The following NSD1 variants were observed in gnomAD, a reference collection of about 807,000 sequenced individuals.
NSD1 encodes nuclear receptor binding SET domain protein 1.
NSD1 carries 26 observed loss-of-function variants against 242.7 expected under a neutral mutation model. The ratio of observed to expected loss-of-function variants is 0.11; its 90% confidence interval spans 0.08 to 0.15. The LOEUF (loss-of-function observed/expected upper bound fraction) is 0.15. Ranked by LOEUF, NSD1 falls within the 10% of genes least tolerant of loss-of-function variation. The pLI is 1.00. For synonymous variants in NSD1, 1,106 were observed against 1,178.1 expected (o/e 0.94, Z 1.25); for missense variants, 2,495 against 3,272.8 (o/e 0.76, Z 5.80).
rs2127281411 is a variant in NSD1, at chr5:177,294,486, A to G, written c.7118A>G (p.Gln2373Arg). 1 of 1,614,210 alleles carries G rather than the reference A, an allele frequency of 6.2e-7. No individual in the cohort carries two copies. Among genetic ancestry groups the G allele is most frequent in the Non-Finnish European group, 8.5e-7 (1 of 1,180,036 alleles). ...ATAGGTGCTGCCAGCCCAAGGCCCCAGTCACTGGAGAAAACCTCAGTTCCC... is the reference window on the plus strand; with the variant it reads ...ATAGGTGCTGCCAGCCCAAGGCCCCGGTCACTGGAGAAAACCTCAGTTCCC... Reference protein sequence around the residue: ...KSIGAASPRPQSLEKTSVPTG... With the variant: ...KSIGAASPRPRSLEKTSVPTG... The change falls in exon 23 of 23, where the codon CAG (glutamine) becomes CGG (arginine). Residue 2373 changes from glutamine to arginine, a missense_variant. This residue lies in a region of NSD1 where 475 missense variants were observed against 563.7 expected (regional missense o/e 0.84). Transcript: ENST00000439151.
intron 9 of NSD1, among the ~76,000 whole-genome samples, chr5:177,246,027 G>T (rs1173440435): frequency 6.6e-6 from 1 of 150,834 alleles, no homozygotes; most frequent in Non-Finnish European, 1.5e-5. Flanking sequence ...CTGGAGTGCG[G>T]TGGCATGATC....
chr5:177,202,754 A>G (rs1004780788), intron 3 of NSD1, among the ~76,000 whole-genome samples: 4 of 151,968 alleles, frequency 2.6e-5, no homozygotes, highest in Admixed American at 2.6e-4. Context: ...AGGTACACAC[A>G]TGTGTATATT....
chr5:177,228,975 A>G (rs1764846137), intron 5 of NSD1, among the ~76,000 whole-genome samples: 1 of 152,138 alleles, frequency 6.6e-6, no homozygotes, highest in East Asian at 1.9e-4. Flanking sequence ...CCAATAGTTG[A>G]CTGTCTCTGT....
At chr5:177,268,080 C>A (rs1284013801) in intron 15 of NSD1, among the ~76,000 whole-genome samples, 1 of 150,568 alleles carries the variant, frequency 6.6e-6, no homozygotes, top group East Asian at 2.0e-4. Flanking sequence ...TCCAAAATAA[C>A]TGTTTTTACA....
intron 15 of NSD1, 126 bp downstream of exon 15, chr5:177,267,844 T>A: frequency 1.0e-6 from 1 of 953,200 alleles, no homozygotes. Flanking sequence ...CCTCTTCTTC[T>A]TGATTTTTTT....
chr5:177,216,001 C>T (rs1395314929), intron 5 of NSD1, among the ~76,000 whole-genome samples: 3 of 152,128 alleles, frequency 2.0e-5, no homozygotes, highest in African/African-American at 7.2e-5. Flanking sequence ...GCTGGGAGTA[C>T]AGGTGCATGC....
At chr5:177,228,260 C>A (rs1407842002) in intron 5 of NSD1, among the ~76,000 whole-genome samples, 1 of 147,608 alleles carries the variant, frequency 6.8e-6, no homozygotes, top group Admixed American at 6.8e-5. Flanking sequence ...TTTTCTTTTT[C>A]TTTTCTTTTT....
At chr5:177,243,266 C>A (rs1220331297) in intron 8 of NSD1, among the ~76,000 whole-genome samples, 3 of 152,128 alleles carry the variant, frequency 2.0e-5, no homozygotes, top group Admixed American at 2.0e-4. Flanking sequence ...CTCAGTGCAA[C>A]CTCCGCCTCC....
intron 17 of NSD1, among the ~76,000 whole-genome samples, chr5:177,276,323 C>T (rs951710215): frequency 2.8e-5 from 4 of 143,296 alleles, no homozygotes; most frequent in African/African-American, 1.0e-4. Context: ...CTTCTGAAGT[C>T]TTTTTTTTTT....
chr5:177,203,583 G>T (rs1188448171), intron 3 of NSD1, among the ~76,000 whole-genome samples: 1 of 152,310 alleles, frequency 6.6e-6, no homozygotes, highest in South Asian at 2.1e-4. Flanking sequence ...TGGTTGTGGG[G>T]AGGAATCCAT....
At chr5:177,187,387 G>A (rs1761323562) in intron 2 of NSD1, among the ~76,000 whole-genome samples, 1 of 152,082 alleles carries the variant, frequency 6.6e-6, no homozygotes, top group African/African-American at 2.4e-5. Context: ...TTACAGGCAT[G>A]AGCCACCGCA....
At chr5:177,214,541 A>C (rs996741911) in intron 5 of NSD1, among the ~76,000 whole-genome samples, 1 of 151,898 alleles carries the variant, frequency 6.6e-6, no homozygotes, top group Non-Finnish European at 1.5e-5. Context: ...TGTGAATTTG[A>C]TTACTTTAGA....
intron 2 of NSD1, among the ~76,000 whole-genome samples, chr5:177,138,114 C>T (rs74551837): frequency 7.0e-6 from 1 of 143,258 alleles, no homozygotes; most frequent in Non-Finnish European, 1.5e-5. Context: ...AACAAACAAA[C>T]AAAAAACTGA....
At chr5:177,138,096 AAC>A in intron 2 of NSD1, among the ~76,000 whole-genome samples, 1 of 108,912 alleles carries the variant, frequency 9.2e-6, no homozygotes, top group Admixed American at 1.0e-4. Flanking sequence ...ACAACAAAAA[AAC>A]AAACAAACAA....
intron 22 of NSD1, 79 bp downstream of exon 22, chr5:177,292,237 G>C: frequency 7.0e-7 from 1 of 1,431,442 alleles, no homozygotes; most frequent in Non-Finnish European, 9.8e-7. Flanking sequence ...CATCAGCCTT[G>C]AAGAAAGTGC....
chr5:177,272,578 T>TG (rs1469708264), intron 16 of NSD1, among the ~76,000 whole-genome samples: 1 of 152,178 alleles, frequency 6.6e-6, no homozygotes, highest in Non-Finnish European at 1.5e-5. Flanking sequence ...TTTCAGATAC[T>TG]GCAATCTTTT....
intron 21 of NSD1, 140 bp from the exon 22 acceptor site, chr5:177,291,814 A>C: frequency 1.2e-6 from 1 of 815,772 alleles, no homozygotes; most frequent in Non-Finnish European, 2.1e-6. Flanking sequence ...GTGATGTACC[A>C]GGTACCTTTC....
At chr5:177,188,646 C>T (rs1053208041) in intron 2 of NSD1, among the ~76,000 whole-genome samples, 3 of 152,040 alleles carry the variant, frequency 2.0e-5, no homozygotes, top group Admixed American at 2.0e-4. Context: ...TAAGATATGA[C>T]ATCTTAGCAT....
chr5:177,271,450 A>G (rs559840178), intron 16 of NSD1, among the ~76,000 whole-genome samples: 1 of 152,346 alleles, frequency 6.6e-6, no homozygotes, highest in Admixed American at 6.5e-5. Context: ...ACTGAGGCAC[A>G]TTAATGTTAA....
Sources: gnomAD v4.1 joint callset for allele counts (sites outside exome capture counted in the v4.1 genomes callset) on GRCh38, gnomAD v4.1.1 for gene constraint, gnomAD v4.1.1 regional missense constraint, MANE v1.5 for transcripts, NCBI Gene and HGNC (gene_info 2026-07-23, HGNC 2026-07-21) for gene names.